Variants in NUCB1 observed in about 807,000 individuals in gnomAD.
NUCB1 encodes nucleobindin-1.
In NUCB1, 47 loss-of-function variants were observed where a neutral mutation model predicts 61.2. The observed-to-expected ratio is 0.77, with a 90% CI of 0.61 to 0.98. NUCB1 has a LOEUF of 0.98. Among genes scored for constraint, NUCB1 ranks in the 50% least tolerant of loss-of-function variants. The probability of loss-of-function intolerance (pLI) is 0.00; values close to 1 mark genes in which losing one functional copy is unlikely to be tolerated. For missense variants in NUCB1, 583 were observed against 605.3 expected, an observed-to-expected ratio of 0.96 and a Z score of 0.39; for synonymous variants, 234 against 243.1, an observed-to-expected ratio of 0.96 and a Z score of 0.35.
rs567661310 is a variant in NUCB1, at chr19:48,914,454, C to T, written c.757+890C>T. Among the ~76,000 whole-genome samples the T allele has an allele frequency of 1.4e-4, 21 of 152,164 alleles. 1 individual carries two copies. The East Asian group carries it at 4.1e-3, about 29-fold the overall frequency. On this transcript the variant is annotated intron_variant, in intron 7 of 12. Coordinates refer to ENST00000405315, the MANE Select transcript of NUCB1 (RefSeq NM_006184.6). ...TGACTCATTCATTCAGCAAACCTTTCCTAAGTTCCCTCTAAGGACCAAGCT... is the reference window on the plus strand; with the variant it reads ...TGACTCATTCATTCAGCAAACCTTTTCTAAGTTCCCTCTAAGGACCAAGCT...
chr19:48,907,307 GCT>G (rs1288779611), intron 4 of NUCB1, among the ~76,000 whole-genome samples: 3 of 116,580 alleles, frequency 2.6e-5, no homozygotes, highest in Admixed American at 1.1e-4. Context: ...ACAGAATCTT[GCT>G]CTGTCTCCCA....
At chr19:48,908,484 GC>G (rs1418323098) in intron 4 of NUCB1, among the ~76,000 whole-genome samples, 2 of 152,160 alleles carry the variant, frequency 1.3e-5, no homozygotes, top group African/African-American at 4.8e-5. Flanking sequence ...ATAGCGGCCG[GC>G]GCTGGGTCAG....
At chr19:48,904,234 A>G (rs965438095) in intron 2 of NUCB1, 113 bp from the exon 3 acceptor site, 8 of 643,228 alleles carry the variant, frequency 1.2e-5, no homozygotes, top group Non-Finnish European at 2.0e-5. Context: ...GGGAAAAGGT[A>G]AAAACTGAGT....
Position 48,921,851 on chromosome 19 carries a change from A to C in NUCB1, c.1198A>C (p.Lys400Gln), listed in dbSNP as rs2037613110. Residue 400 changes from lysine (K) to glutamine (Q), a missense_variant, in exon 12 of 13, where the codon AAG becomes CAG. By Grantham distance (53) the Lys-to-Gln change is moderately conservative. Transcript: ENST00000405315. ...GGCTGTGCTGCACATGGAGCAGCGGAAGCAGCAGCAGCAGCAGCAGCAAGG... is the reference window on the plus strand; with the variant it reads ...GGCTGTGCTGCACATGGAGCAGCGGCAGCAGCAGCAGCAGCAGCAGCAAGG... The part of the protein sequence containing the change: ...QQAVLHMEQR[K>Q]QQQQQQQGHK... The C allele has an allele frequency of 6.2e-7, 1 of 1,608,282 alleles. No homozygotes were observed. Among genetic ancestry groups the C allele is most frequent in the Admixed American group, 1.7e-5 (1 of 59,888 alleles).
intron 4 of NUCB1, among the ~76,000 whole-genome samples, chr19:48,910,000 C>A (rs185911002): frequency 6.6e-6 from 1 of 152,094 alleles, no homozygotes; most frequent in South Asian, 2.1e-4. Context: ...AACTTAGGAG[C>A]GTGCAATTTA....
intron 7 of NUCB1, among the ~76,000 whole-genome samples, chr19:48,914,364 C>A (rs1366875170): frequency 6.6e-6 from 1 of 152,026 alleles, no homozygotes; most frequent in African/African-American, 2.4e-5. Context: ...GTTGCCAAGC[C>A]CCCTCAGGTA....
In NUCB1 at chr19:48,905,868, A is replaced by T. The variant is rs1313321789; in HGVS notation, c.359A>T (p.Asp120Val). The change falls in exon 4 of 13, where the codon GAC (aspartate) becomes GTC (valine). Residue 120 changes from aspartate (D) to valine (V), a missense_variant. Transcript: ENST00000405315. ...RLRMLLKAKM[D>V]AEQDPNVQVD... is the part of the protein sequence containing the mutation. ...CGGATGCTGCTCAAGGCCAAGATGG[A>T]CGCCGAGCAGGATCCCAGTGAGCAG... 1.5e-6 allele frequency: 2 copies of T among 1,330,486 alleles called. No individual in the cohort carries two copies. The highest frequency in any genetic ancestry group is 2.0e-6 in the Non-Finnish European group (2 of 996,150). The allele number at this position is 1,330,486 out of a possible 1,614,324, so 82.4% of individuals were successfully genotyped here.
chr19:48,922,343 C>T lies in NUCB1; in HGVS notation c.1305C>T (p.Ala435=), dbSNP rs139507341. The T allele has an allele frequency of 4.0e-5, 65 of 1,613,538 alleles. No homozygotes were observed. The highest frequency in any genetic ancestry group is 5.3e-5 in the Non-Finnish European group (62 of 1,179,700). Residue 435 remains alanine (A), a synonymous_variant, in exon 13 of 13, where the codon GCC becomes GCT. Coordinates refer to ENST00000405315, the MANE Select transcript of NUCB1 (RefSeq NM_006184.6). The part of the protein sequence containing the change: ...DTDDVPVPAP[A]GDQKEVDTSE... ...ACGATGTACCTGTCCCAGCTCCAGC[C>T]GGTGACCAGAAGGAGGTGGACACTT...
chr19:48,908,822 G>A (rs1181767270), intron 4 of NUCB1, among the ~76,000 whole-genome samples: 2 of 151,728 alleles, frequency 1.3e-5, no homozygotes, highest in Non-Finnish European at 2.9e-5. Context: ...TTCATTTTGG[G>A]TCCAGCATTG....
chr19:48,921,137 C>G lies in NUCB1; in HGVS notation c.1003-17C>G. 1 of 1,591,618 alleles carries G rather than the reference C, an allele frequency of 6.3e-7. No homozygotes were observed. Among genetic ancestry groups the G allele is most frequent in the Non-Finnish European group, 8.6e-7 (1 of 1,166,410 alleles). On this transcript the variant is annotated splice_polypyrimidine_tract_variant and intron_variant, in intron 10 of 12. Coordinates refer to ENST00000405315, the MANE Select transcript of NUCB1 (RefSeq NM_006184.6). ...GTTGGACCTGTGCCCCTGATGGCCCCTGTGCCTGCCCTGCAGACAGTGGAG... is the reference window on the plus strand; with the variant it reads ...GTTGGACCTGTGCCCCTGATGGCCCGTGTGCCTGCCCTGCAGACAGTGGAG...
rs2037390810 is a variant in NUCB1 at position 48,904,470 on chromosome 19, TG to T, written c.243+21del. 5 of 1,477,826 alleles carry T rather than the reference TG, an allele frequency of 3.4e-6. No homozygotes were observed. Among genetic ancestry groups the T allele is most frequent in the South Asian group, 1.1e-5 (1 of 87,246 alleles). 91.5% of individuals were successfully genotyped at this position (1,477,826 alleles called of 1,614,324 possible). On this transcript the variant is annotated intron_variant, in intron 3 of 12. Coordinates refer to ENST00000405315, the MANE Select transcript of NUCB1 (RefSeq NM_006184.6). ...GGACATCAAGGTGCGGCTGGGGGAG[TG>T]GGGGCTGTGGGAGGGGTACGTGCTG... is the stretch of plus-strand genomic sequence containing the variant.
chr19:48,907,439 C>T (rs2037424894), intron 4 of NUCB1, among the ~76,000 whole-genome samples: 2 of 151,880 alleles, frequency 1.3e-5, no homozygotes, highest in Non-Finnish European at 2.9e-5. Flanking sequence ...CCACACCTGG[C>T]TAATTTTGTA....
At chr19:48,908,931 A>G (rs971501059) in intron 4 of NUCB1, among the ~76,000 whole-genome samples, 1 of 151,652 alleles carries the variant, frequency 6.6e-6, no homozygotes, top group Non-Finnish European at 1.5e-5. Flanking sequence ...TGGAAACCCT[A>G]CCCCTTCCTG....
intron 10 of NUCB1, among the ~76,000 whole-genome samples, chr19:48,920,079 T>G (rs893359121): frequency 1.6e-5 from 2 of 125,884 alleles, no homozygotes; most frequent in African/African-American, 6.1e-5. Flanking sequence ...TAGCTAATTT[T>G]TGTATTTTTT....
At chr19:48,902,657 G>A (rs1404881842) in intron 2 of NUCB1, among the ~76,000 whole-genome samples, 7 of 151,982 alleles carry the variant, frequency 4.6e-5, no homozygotes, top group South Asian at 2.1e-4. Context: ...TGATTTGCCC[G>A]CCTCGGCCTC....
At chr19:48,903,407 CGGGTGG>C (rs2037373018) in intron 2 of NUCB1, among the ~76,000 whole-genome samples, 1 of 55,806 alleles carries the variant, frequency 1.8e-5, no homozygotes, top group Non-Finnish European at 3.1e-5. Context: ...GATGGATGGG[CGGGTGG>C]ATGGATGGGT....
intron 7 of NUCB1, among the ~76,000 whole-genome samples, chr19:48,915,136 A>G (rs1039366806): frequency 2.0e-5 from 3 of 152,148 alleles, no homozygotes; most frequent in African/African-American, 7.2e-5. Flanking sequence ...ATACATCCCT[A>G]TTTCAGGGGT....
intron 3 of NUCB1, among the ~76,000 whole-genome samples, chr19:48,904,664 C>T (rs2037393734): frequency 6.6e-6 from 1 of 152,034 alleles, no homozygotes; most frequent in African/African-American, 2.4e-5. Context: ...GCTGGGATTA[C>T]AGGCGTACAC....
intron 3 of NUCB1, 38 bp from the exon 4 acceptor site, chr19:48,905,715 C>T (rs779945438): frequency 6.2e-7 from 1 of 1,611,812 alleles, no homozygotes; most frequent in East Asian, 2.2e-5. Flanking sequence ...AGACAGAGAG[C>T]AGGCCCCCAG....
Sources: allele counts gnomAD v4.1 joint callset (sites outside exome capture counted in the v4.1 genomes callset), GRCh38; gene constraint gnomAD v4.1.1; transcripts MANE v1.5; gene names NCBI Gene and HGNC (gene_info 2026-07-23, HGNC 2026-07-21).